The following TRIM33 variants were observed in gnomAD, a reference collection of about 807,000 sequenced individuals.
TRIM33 encodes the protein E3 ubiquitin-protein ligase TRIM33.
Under a neutral mutation model 125.4 loss-of-function variants are expected in TRIM33, and 20 were observed. The observed-to-expected ratio is 0.16, with a 90% CI of 0.11 to 0.23. TRIM33 has a LOEUF of 0.23. TRIM33 is among the 10% of genes least tolerant of loss of function. The probability of loss-of-function intolerance (pLI) is 1.00; values close to 1 mark genes in which losing one functional copy is unlikely to be tolerated. For synonymous variants in TRIM33, 564 were observed against 513.9 expected (o/e 1.10, Z -1.32); for missense variants, 920 against 1,411.4 (o/e 0.65, Z 5.58).
intron 11 of TRIM33, among the ~76,000 whole-genome samples, chr1:114,420,133 A>C (rs1235085969): frequency 6.6e-6 from 1 of 152,236 alleles, no homozygotes; most frequent in African/African-American, 2.4e-5. Context: ...GTTTTAAAAG[A>C]AAATGCTTTT....
intron 1 of TRIM33, among the ~76,000 whole-genome samples, chr1:114,487,339 CAAA>C (rs35231757): frequency 2.2e-4 from 13 of 58,462 alleles, no homozygotes; most frequent in South Asian, 6.6e-4. Flanking sequence ...CCATGCAGGC[CAAA>C]AAAAAAAAAA....
At chr1:114,472,603 GC>G (rs1650716818) in intron 1 of TRIM33, among the ~76,000 whole-genome samples, 1 of 152,112 alleles carries the variant, frequency 6.6e-6, no homozygotes, top group Non-Finnish European at 1.5e-5. Flanking sequence ...GGTGGTACCT[GC>G]CTGTAATCCC....
chr1:114,419,218 A>AAAG (rs1553208024), intron 11 of TRIM33, among the ~76,000 whole-genome samples: 36 of 148,288 alleles, frequency 2.4e-4, no homozygotes, highest in African/African-American at 9.1e-4. Context: ...AAAAAAAAAA[A>AAAG]AAAGAAAGAA....
chr1:114,457,562 A>C (rs1649701249), intron 4 of TRIM33, among the ~76,000 whole-genome samples: 1 of 152,214 alleles, frequency 6.6e-6, no homozygotes, highest in Non-Finnish European at 1.5e-5. Flanking sequence ...AAATAGAAAT[A>C]GTTTGCACAG....
intron 11 of TRIM33, among the ~76,000 whole-genome samples, chr1:114,420,205 G>T (rs1557853599): frequency 6.6e-6 from 1 of 152,280 alleles, no homozygotes; most frequent in East Asian, 1.9e-4. Context: ...CGGTTGAAAG[G>T]GGCAAAAGGC....
intron 3 of TRIM33, 58 bp from the exon 4 acceptor site, chr1:114,463,294 C>T (rs1650099575): frequency 6.4e-7 from 1 of 1,559,454 alleles, no homozygotes; most frequent in Non-Finnish European, 8.7e-7. Context: ...GTCTAGTTTT[C>T]TAAATTCCTA....
Position 114,410,164 on chromosome 1 carries a change from G to A in TRIM33, c.2194+20C>T, listed in dbSNP as rs1165883618. On this transcript the variant is annotated intron_variant, in intron 12 of 19. Transcript: ENST00000358465. ...TTTTTTTAAGGTGTTAAAAAATAAG[G>A]TAATACCCGTTTGCTTTACCTGATG... The A allele has an allele frequency of 6.2e-7, 1 of 1,613,506 alleles. No homozygotes were observed. Among genetic ancestry groups the A allele is most frequent in the Non-Finnish European group, 8.5e-7 (1 of 1,179,722 alleles).
chr1:114,436,572 TCTC>T (rs1044616875), intron 4 of TRIM33, among the ~76,000 whole-genome samples: 5 of 151,954 alleles, frequency 3.3e-5, no homozygotes, highest in African/African-American at 7.2e-5. Flanking sequence ...TTCAAGCAGT[TCTC>T]CTCCTCAGCC....
intron 4 of TRIM33, among the ~76,000 whole-genome samples, chr1:114,448,229 G>T (rs1428246029): frequency 2.0e-5 from 3 of 152,202 alleles, no homozygotes; most frequent in African/African-American, 7.2e-5. Flanking sequence ...TAAAGGAAGA[G>T]AGTTCATCTA....
intron 4 of TRIM33, among the ~76,000 whole-genome samples, chr1:114,444,284 T>C (rs1437000861): frequency 1.3e-5 from 2 of 152,170 alleles, no homozygotes; most frequent in Non-Finnish European, 2.9e-5. Flanking sequence ...CACAAGTTCT[T>C]GGTCAAAGTC....
chr1:114,461,224 A>G (rs1649966493), intron 4 of TRIM33, among the ~76,000 whole-genome samples: 1 of 143,832 alleles, frequency 7.0e-6, no homozygotes, highest in African/African-American at 2.6e-5. Flanking sequence ...AAATATATAT[A>G]TATATATATA....
At chr1:114,487,681 A>C (rs180951578) in intron 1 of TRIM33, among the ~76,000 whole-genome samples, 3,212 of 150,960 alleles carry the variant, frequency 0.021, 113 homozygotes, top group African/African-American at 0.075. Flanking sequence ...GTGGATCATG[A>C]GGTCAGGAGA....
chr1:114,456,449 T>C (rs1242621139), intron 4 of TRIM33, among the ~76,000 whole-genome samples: 1 of 152,186 alleles, frequency 6.6e-6, no homozygotes. Flanking sequence ...AGACTAACAG[T>C]GAACTATGAA....
At chr1:114,398,353 T>C (rs909396975) in intron 18 of TRIM33, among the ~76,000 whole-genome samples, 1 of 152,236 alleles carries the variant, frequency 6.6e-6, no homozygotes, top group African/African-American at 2.4e-5. Flanking sequence ...TAATAAAAAT[T>C]CTATCTGTAT....
At chr1:114,463,826 T>C (rs1367624219) in intron 2 of TRIM33, among the ~76,000 whole-genome samples, 2 of 147,832 alleles carry the variant, frequency 1.4e-5, no homozygotes, top group Non-Finnish European at 3.0e-5. Context: ...TGGACAGCAG[T>C]AGTGCAATCA....
chr1:114,451,031 G>A (rs931703265), intron 4 of TRIM33, among the ~76,000 whole-genome samples: 1 of 152,082 alleles, frequency 6.6e-6, no homozygotes, highest in African/African-American at 2.4e-5. Flanking sequence ...AAGGGACAGT[G>A]AAATGAAAAA....
At chr1:114,469,441 G>A (rs1357218380) in intron 1 of TRIM33, among the ~76,000 whole-genome samples, 4 of 152,180 alleles carry the variant, frequency 2.6e-5, no homozygotes, top group East Asian at 1.9e-4. Context: ...GCAAGATGCC[G>A]CTGTTCAAAC....
At chr1:114,432,033 AT>A (rs1263031582) in intron 5 of TRIM33, among the ~76,000 whole-genome samples, 1 of 152,214 alleles carries the variant, frequency 6.6e-6, no homozygotes, top group Non-Finnish European at 1.5e-5. Context: ...AAAGAAAAAA[AT>A]GTACATTAAA....
chr1:114,486,913 C>A (rs1006300226), intron 1 of TRIM33, among the ~76,000 whole-genome samples: 1 of 151,682 alleles, frequency 6.6e-6, no homozygotes, highest in African/African-American at 2.4e-5. Context: ...ATAGTGAAAC[C>A]CTATCTCTAC....
Sources: allele counts gnomAD v4.1 joint callset (sites outside exome capture counted in the v4.1 genomes callset), GRCh38; gene constraint gnomAD v4.1.1; transcripts MANE v1.5; gene names NCBI Gene and HGNC (gene_info 2026-07-23, HGNC 2026-07-21).